The following PPARGC1A variants were observed in gnomAD, a reference collection of about 807,000 sequenced individuals.
The protein encoded by PPARGC1A is peroxisome proliferator-activated receptor gamma coactivator 1-alpha.
In PPARGC1A, 25 loss-of-function variants were observed where a neutral mutation model predicts 88.7. The ratio of observed to expected loss-of-function variants is 0.28; its 90% CI spans 0.21 to 0.39. The LOEUF (loss-of-function observed/expected upper bound fraction) is 0.39, where lower values mean the gene tolerates loss of function less well. PPARGC1A is among the 10% of genes least tolerant of loss of function. The pLI, the probability that PPARGC1A is intolerant of heterozygous loss-of-function variation, is 1.00. For synonymous variants in PPARGC1A, 363 were observed against 355.6 expected (o/e 1.02, Z -0.24); for missense variants, 880 against 968.7 (o/e 0.91, Z 1.22).
the PPARGC1A span, among the ~76,000 whole-genome samples, chr4:23,949,325 C>T: frequency 6.6e-6 from 1 of 152,138 alleles, no homozygotes; most frequent in Non-Finnish European, 1.5e-5. Flanking sequence ...TTGCAACCAT[C>T]GATTCTCTCT....
chr4:24,084,631 G>T, the PPARGC1A span, among the ~76,000 whole-genome samples: 1 of 152,162 alleles, frequency 6.6e-6, no homozygotes, highest in African/African-American at 2.4e-5. Flanking sequence ...TCTGCTCAGA[G>T]TGAGGAACAT....
chr4:24,220,235 G>A, the PPARGC1A span, among the ~76,000 whole-genome samples: 4 of 152,232 alleles, frequency 2.6e-5, no homozygotes, highest in South Asian at 4.1e-4. Context: ...AGATGTTGGC[G>A]AGGTTGCAGA....
chr4:24,304,557 C>G, the PPARGC1A span, among the ~76,000 whole-genome samples: 1 of 152,156 alleles, frequency 6.6e-6, no homozygotes, highest in Non-Finnish European at 1.5e-5. Flanking sequence ...AGCTGGGATT[C>G]AAACCCAGGT....
At chr4:24,133,959 A>G in the PPARGC1A span, among the ~76,000 whole-genome samples, 1 of 152,198 alleles carries the variant, frequency 6.6e-6, no homozygotes, top group Non-Finnish European at 1.5e-5. Context: ...AGCTCTAAGA[A>G]GTGGTTGAGG....
At chr4:23,924,753 A>C in the PPARGC1A span, among the ~76,000 whole-genome samples, 1 of 152,166 alleles carries the variant, frequency 6.6e-6, no homozygotes, top group Non-Finnish European at 1.5e-5. Context: ...ACAGTTGCTT[A>C]TTGAATTCCT....
chr4:23,882,488 C>T (rs1187325711), intron 2 of PPARGC1A, among the ~76,000 whole-genome samples: 1 of 152,054 alleles, frequency 6.6e-6, no homozygotes, highest in African/African-American at 2.4e-5. Context: ...TAGCAGCATT[C>T]CTTGTCTCTA....
the PPARGC1A span, among the ~76,000 whole-genome samples, chr4:24,355,631 A>G: frequency 1.3e-5 from 2 of 152,124 alleles, no homozygotes; most frequent in Non-Finnish European, 2.9e-5. Flanking sequence ...CATTGTTGTT[A>G]TTGTTTCAAC....
chr4:24,441,835 C>CAG, the PPARGC1A span, among the ~76,000 whole-genome samples: 1 of 152,192 alleles, frequency 6.6e-6, no homozygotes, highest in African/African-American at 2.4e-5. Flanking sequence ...ACATGCTCCT[C>CAG]AGAGAGATGG....
chr4:24,277,845 A>ACCCTCT, the PPARGC1A span, among the ~76,000 whole-genome samples: 1 of 151,846 alleles, frequency 6.6e-6, no homozygotes, highest in Non-Finnish European at 1.5e-5. Flanking sequence ...TAAGTAATTT[A>ACCCTCT]CCCTCTCTGA....
chr4:24,008,668 A>G, the PPARGC1A span, among the ~76,000 whole-genome samples: 1 of 151,116 alleles, frequency 6.6e-6, no homozygotes. Context: ...TGCCCTTCAG[A>G]AGTACTGAAA....
chr4:24,344,521 T>C, the PPARGC1A span, among the ~76,000 whole-genome samples: 1 of 152,214 alleles, frequency 6.6e-6, no homozygotes, highest in Non-Finnish European at 1.5e-5. Context: ...CATTTTTTCA[T>C]ATATTCGTTG....
the PPARGC1A span, among the ~76,000 whole-genome samples, chr4:23,962,973 C>T: frequency 6.6e-5 from 10 of 152,062 alleles, no homozygotes; most frequent in African/African-American, 1.7e-4. Flanking sequence ...TGCTCATGAG[C>T]GGGGGAAAGT....
the PPARGC1A span, among the ~76,000 whole-genome samples, chr4:24,068,318 C>T: frequency 6.6e-5 from 10 of 152,198 alleles, no homozygotes; most frequent in Admixed American, 6.5e-4. Context: ...GAATGATTTT[C>T]CTGTCAGAGA....
At chr4:23,912,678 T>G in the PPARGC1A span, among the ~76,000 whole-genome samples, 2 of 152,172 alleles carry the variant, frequency 1.3e-5, no homozygotes, top group African/African-American at 4.8e-5. Flanking sequence ...CCCTGTTTGC[T>G]GGCCCACACT....
intron 1 of PPARGC1A, chr4:23,889,062 A>C: frequency 1.0e-6 from 1 of 985,394 alleles, no homozygotes; most frequent in Non-Finnish European, 1.2e-6. Context: ...TCCAGAGATT[A>C]CGAGGAAACT....
the PPARGC1A span, among the ~76,000 whole-genome samples, chr4:24,215,152 C>T: frequency 1.3e-5 from 2 of 152,346 alleles, no homozygotes; most frequent in East Asian, 3.9e-4. Flanking sequence ...CCCAGCCTGG[C>T]TGTCACCTGG....
chr4:24,367,136 C>T, the PPARGC1A span, among the ~76,000 whole-genome samples: 1 of 152,108 alleles, frequency 6.6e-6, no homozygotes, highest in African/African-American at 2.4e-5. Context: ...GTTAATGATT[C>T]GTAATCACTA....
At chr4:24,099,804 G>A in the PPARGC1A span, among the ~76,000 whole-genome samples, 8 of 151,968 alleles carry the variant, frequency 5.3e-5, no homozygotes, top group East Asian at 5.8e-4. Context: ...CTCAGACAGG[G>A]TGCAAGAATT....
chr4:23,799,906 A>T (rs1429688257), intron 12 of PPARGC1A, among the ~76,000 whole-genome samples: 1 of 152,108 alleles, frequency 6.6e-6, no homozygotes, highest in Non-Finnish European at 1.5e-5. Flanking sequence ...TCAACTCAAG[A>T]CTTCAATCCG....
Sources: gnomAD v4.1 joint callset for allele counts (sites outside exome capture counted in the v4.1 genomes callset) on GRCh38, gnomAD v4.1.1 for gene constraint, MANE v1.5 for transcripts, NCBI Gene and HGNC (gene_info 2026-07-23, HGNC 2026-07-21) for gene names.